The following VTI1A variants were observed in gnomAD, a reference collection of about 807,000 sequenced individuals.
VTI1A encodes the protein vesicle transport through interaction with t-SNAREs homolog 1A.
Under a neutral mutation model 34.9 loss-of-function variants are expected in VTI1A, and 22 were observed. That is an observed-to-expected ratio of 0.63 (90% CI 0.45 to 0.90). The LOEUF is 0.90. Among genes scored for constraint, VTI1A ranks in the 40% least tolerant of loss-of-function variants. The pLI is 0.00. For missense variants in VTI1A, 268 were observed against 275.6 expected (o/e 0.97, Z 0.20); for synonymous variants, 87 against 97.3 (o/e 0.89, Z 0.62).
At chr10:112,692,738 C>A (rs1484180812) in intron 7 of VTI1A, among the ~76,000 whole-genome samples, 2 of 152,130 alleles carry the variant, frequency 1.3e-5, no homozygotes, top group East Asian at 1.9e-4. Context: ...TAACTAAATA[C>A]CTGAAATAAA....
intron 3 of VTI1A, among the ~76,000 whole-genome samples, chr10:112,509,909 A>G (rs1178252728): frequency 2.0e-5 from 3 of 152,192 alleles, no homozygotes; most frequent in African/African-American, 4.8e-5. Context: ...TTTAAGATAC[A>G]TTCAGTGTAA....
chr10:112,646,113 T>C (rs1846772424), intron 5 of VTI1A, among the ~76,000 whole-genome samples: 1 of 152,166 alleles, frequency 6.6e-6, no homozygotes. Flanking sequence ...CAACATTTTT[T>C]ACCTACAAAT....
chr10:112,579,229 A>G (rs1023185184), intron 5 of VTI1A, among the ~76,000 whole-genome samples: 9 of 152,246 alleles, frequency 5.9e-5, no homozygotes, highest in African/African-American at 2.2e-4. Context: ...AAATTCTAGG[A>G]AAACCTTAAC....
intron 7 of VTI1A, among the ~76,000 whole-genome samples, chr10:112,684,437 CTTT>C (rs35671432): frequency 1.6e-5 from 2 of 123,490 alleles, no homozygotes; most frequent in Non-Finnish European, 1.7e-5. Context: ...ATGCTCATCT[CTTT>C]TTTTTTTTTT....
intron 7 of VTI1A, among the ~76,000 whole-genome samples, chr10:112,715,579 A>C (rs989372100): frequency 6.6e-6 from 1 of 152,092 alleles, no homozygotes; most frequent in Non-Finnish European, 1.5e-5. Context: ...ACTGTTTTTC[A>C]TATGTTAAAA....
intron 2 of VTI1A, among the ~76,000 whole-genome samples, chr10:112,462,615 A>G (rs2134046681): frequency 6.6e-6 from 1 of 152,356 alleles, no homozygotes; most frequent in African/African-American, 2.4e-5. Flanking sequence ...ATGTTGAGAC[A>G]TAATCATTTA....
At chr10:112,592,988 G>C (rs1015725887) in intron 5 of VTI1A, among the ~76,000 whole-genome samples, 1 of 152,154 alleles carries the variant, frequency 6.6e-6, no homozygotes, top group African/African-American at 2.4e-5. Context: ...GAACAATTGA[G>C]ATTATTCAGT....
At chr10:112,460,961 G>T (rs77096154) in intron 2 of VTI1A, among the ~76,000 whole-genome samples, 17,025 of 152,168 alleles carry the variant, frequency 0.11, 1,057 homozygotes, top group African/African-American at 0.14. Context: ...ATGATAAAGG[G>T]TCTGATATTT....
chr10:112,724,699 A>G (rs1418362522), intron 7 of VTI1A, among the ~76,000 whole-genome samples: 1 of 151,580 alleles, frequency 6.6e-6, no homozygotes, highest in East Asian at 2.0e-4. Context: ...CAAAAACTCT[A>G]TAGATAAGGG....
intron 7 of VTI1A, among the ~76,000 whole-genome samples, chr10:112,729,929 T>G (rs1366660382): frequency 6.6e-6 from 1 of 152,158 alleles, no homozygotes; most frequent in African/African-American, 2.4e-5. Flanking sequence ...AACCTGATAC[T>G]CCCCAGAAAG....
At chr10:112,553,171 A>AT (rs1851425737) in intron 5 of VTI1A, among the ~76,000 whole-genome samples, 1 of 152,222 alleles carries the variant, frequency 6.6e-6, no homozygotes, top group African/African-American at 2.4e-5. Context: ...CACAGAAATT[A>AT]TTTTTTCATC....
intron 3 of VTI1A, among the ~76,000 whole-genome samples, chr10:112,470,324 A>G (rs1848033565): frequency 6.6e-6 from 1 of 152,214 alleles, no homozygotes; most frequent in Admixed American, 6.5e-5. Flanking sequence ...GGACAGATTA[A>G]TGGGAAAAAC....
At chr10:112,494,269 G>A (rs1848934830) in intron 3 of VTI1A, among the ~76,000 whole-genome samples, 1 of 151,698 alleles carries the variant, frequency 6.6e-6, no homozygotes, top group Admixed American at 6.6e-5. Flanking sequence ...TTTTATTTCT[G>A]TAGTGTCTGT....
At chr10:112,461,408 C>A (rs1404619046) in intron 2 of VTI1A, among the ~76,000 whole-genome samples, 1 of 152,154 alleles carries the variant, frequency 6.6e-6, no homozygotes, top group Non-Finnish European at 1.5e-5. Context: ...CATGAGAGAA[C>A]CTTGGCCAAG....
intron 7 of VTI1A, among the ~76,000 whole-genome samples, chr10:112,680,196 C>T (rs932069010): frequency 6.6e-6 from 1 of 152,134 alleles, no homozygotes; most frequent in Admixed American, 6.5e-5. Flanking sequence ...CTCAAGGATG[C>T]CATCCTTGGG....
At chr10:112,571,620 G>T (rs981432379) in intron 5 of VTI1A, among the ~76,000 whole-genome samples, 2 of 152,054 alleles carry the variant, frequency 1.3e-5, no homozygotes, top group Non-Finnish European at 2.9e-5. Flanking sequence ...ATTCCACCTG[G>T]CAATCCCATT....
chr10:112,480,064 T>C (rs1848413001), intron 3 of VTI1A, among the ~76,000 whole-genome samples: 1 of 152,224 alleles, frequency 6.6e-6, no homozygotes, highest in Admixed American at 6.5e-5. Context: ...AAAATAGCCC[T>C]ATAATTTAAA....
intron 5 of VTI1A, among the ~76,000 whole-genome samples, chr10:112,579,511 G>T (rs1360846325): frequency 6.6e-6 from 1 of 151,998 alleles, no homozygotes; most frequent in Non-Finnish European, 1.5e-5. Context: ...AGACCAGTCT[G>T]GGCAACATAG....
intron 1 of VTI1A, among the ~76,000 whole-genome samples, chr10:112,447,859 AATAATATTGTT>A (rs1846977127): frequency 6.6e-6 from 1 of 152,198 alleles, no homozygotes; most frequent in African/African-American, 2.4e-5. Flanking sequence ...TTGTGTTAGT[AATAATATTGTT>A]ATAATTATAT....
Sources: gnomAD v4.1 joint callset for allele counts (sites outside exome capture counted in the v4.1 genomes callset) on GRCh38, gnomAD v4.1.1 for gene constraint, MANE v1.5 for transcripts, NCBI Gene and HGNC (gene_info 2026-07-23, HGNC 2026-07-21) for gene names.